The following CCNJL variants were observed in gnomAD, a reference collection of about 807,000 sequenced individuals.
CCNJL encodes cyclin J like, also known as cyclin-J-like protein.
A neutral mutation model predicts 33.4 loss-of-function variants in CCNJL; 33 were observed. The ratio of observed to expected loss-of-function variants is 0.99; its 90% CI spans 0.75 to 1.32. The LOEUF is 1.32. Among genes scored for constraint, CCNJL ranks in the 40% most tolerant of loss-of-function variants. CCNJL has a pLI of 0.00. For missense variants in CCNJL, 512 were observed against 499.7 expected, an observed-to-expected ratio of 1.02 and a Z score of -0.23; for synonymous variants, 227 against 220.9, an observed-to-expected ratio of 1.03 and a Z score of -0.24.
chr5:160,283,163 T>C (rs982359289), intron 2 of CCNJL, among the ~76,000 whole-genome samples: 2 of 151,494 alleles, frequency 1.3e-5, no homozygotes, highest in African/African-American at 4.8e-5. Context: ...AAATGTAATG[T>C]ATCCATACAA....
Position 160,249,234 on chromosome 5 carries a change from TG to T in CCNJL, c.*4143del, listed in dbSNP as rs1760744013. On this transcript the variant is annotated 3_prime_UTR_variant, in exon 6 of 6. Coordinates refer to ENST00000257536, the MANE Select transcript of CCNJL (RefSeq NM_001308173.3). ...GCATGCTAGTTTATCTATGGTCAGT[TG>T]TGGAATAGGTCTGTTTCTATATGCA... 1 of 152,210 alleles carries T rather than the reference TG, an allele frequency of 6.6e-6. No individual in the cohort carries two copies. The highest frequency in any genetic ancestry group is 6.5e-5 in the Admixed American group (1 of 15,276). The allele number at this position is 152,210 out of a possible 1,614,324, so 9.4% of individuals were successfully genotyped here.
chr5:160,267,350 T>G (rs17472426), intron 3 of CCNJL, among the ~76,000 whole-genome samples: 8,276 of 152,200 alleles, frequency 0.054, 303 homozygotes, highest in Middle Eastern at 0.18. Context: ...AAGGTTGAGT[T>G]ACCCCGATCT....
intron 1 of CCNJL, among the ~76,000 whole-genome samples, chr5:160,331,309 T>C (rs187348562): frequency 0.034 from 5,111 of 150,822 alleles, 279 homozygotes; most frequent in African/African-American, 0.12. Context: ...CTGCAAGCTC[T>C]GCCTCCCGGG....
At chr5:160,307,682 G>A (rs1259080693) in intron 2 of CCNJL, among the ~76,000 whole-genome samples, 5 of 152,066 alleles carry the variant, frequency 3.3e-5, no homozygotes, top group African/African-American at 7.2e-5. Flanking sequence ...AGGGGCACAC[G>A]TAGCAGGCAA....
At position 160,255,714 on chromosome 5, in the gene CCNJL, A is replaced by G; in HGVS notation, c.584-6T>C. 6.2e-7 allele frequency: 1 copy of G among 1,613,352 alleles called. No individual in the cohort carries two copies. Among genetic ancestry groups the G allele is most frequent in the Non-Finnish European group, 8.5e-7 (1 of 1,179,940 alleles). On this transcript the variant is annotated splice_region_variant and splice_polypyrimidine_tract_variant and intron_variant, in intron 4 of 5. Coordinates refer to ENST00000257536, the MANE Select transcript of CCNJL (RefSeq NM_001308173.3). ...GAATTTGTAGAATATGTGATCTGAA[A>G]GAAAGCCACGGAGGGAGTCAGCATC...
chr5:160,287,521 T>C (rs2303059), intron 2 of CCNJL, among the ~76,000 whole-genome samples: 31,753 of 152,172 alleles, frequency 0.21, 5,965 homozygotes, highest in African/African-American at 0.5. Flanking sequence ...TTTGAGAATC[T>C]AGCTGATCAC....
intron 1 of CCNJL, among the ~76,000 whole-genome samples, chr5:160,338,197 A>C (rs13182537): frequency 6.6e-6 from 1 of 151,920 alleles, no homozygotes; most frequent in Admixed American, 6.6e-5. Flanking sequence ...AGAAGTTGGA[A>C]GCCACCCTGG....
chr5:160,268,072 T>A (rs557581044), intron 3 of CCNJL, among the ~76,000 whole-genome samples: 1 of 152,294 alleles, frequency 6.6e-6, no homozygotes, highest in South Asian at 2.1e-4. Flanking sequence ...AAACAGAAAC[T>A]CTCTTTGACT....
intron 1 of CCNJL, among the ~76,000 whole-genome samples, chr5:160,321,636 C>T (rs150021149): frequency 1.3e-3 from 194 of 152,216 alleles, no homozygotes; most frequent in African/African-American, 3.7e-3. Flanking sequence ...TATTAAAGCA[C>T]GATTAAAATA....
chr5:160,315,416 A>G (rs1763370477), upstream of CCNJL: 1 of 448,996 alleles, frequency 2.2e-6, no homozygotes, highest in Admixed American at 2.4e-5. Context: ...CTGAAATAGA[A>G]GAATCACTTG....
chr5:160,337,250 A>G (rs1561816872), intron 1 of CCNJL, among the ~76,000 whole-genome samples: 2 of 151,488 alleles, frequency 1.3e-5, no homozygotes, highest in Admixed American at 6.6e-5. Context: ...TCCTGGGCTG[A>G]AAAGATCCTT....
intron 3 of CCNJL, among the ~76,000 whole-genome samples, chr5:160,275,113 C>G (rs1341106337): frequency 6.9e-6 from 1 of 143,912 alleles, no homozygotes; most frequent in Non-Finnish European, 1.5e-5. Context: ...GAGACAGAGT[C>G]TTGCCCTGCG....
rs1486473712 is a variant in CCNJL at position 160,282,989 on chromosome 5, A to G, written c.67-2251T>C. ...GGAATATATATATATATATATATAT[A>G]TATATATATATATATATATACATAT... On this transcript the variant is annotated intron_variant, in intron 2 of 5. Coordinates refer to ENST00000257536, the MANE Select transcript of CCNJL (RefSeq NM_001308173.3). Among the ~76,000 whole-genome samples the G allele has an allele frequency of 3.9e-4, 23 of 58,716 alleles. 4 individuals are homozygous for G. Among genetic ancestry groups the G allele is most frequent in the African/African-American group, 1.2e-3 (15 of 12,938 alleles). 38.5% of individuals were successfully genotyped at this position (58,716 alleles called of 152,430 possible).
intron 2 of CCNJL, among the ~76,000 whole-genome samples, chr5:160,299,336 G>C (rs1762852227): frequency 6.6e-6 from 1 of 151,966 alleles, no homozygotes; most frequent in African/African-American, 2.4e-5. Context: ...ATTTTTAGTA[G>C]AGACAGAGTT....
At chr5:160,327,271 C>A (rs1313739274) in intron 1 of CCNJL, among the ~76,000 whole-genome samples, 2 of 152,156 alleles carry the variant, frequency 1.3e-5, no homozygotes, top group Non-Finnish European at 2.9e-5. Flanking sequence ...GAAAGGAGTC[C>A]ATTCAACTAA....
rs1763300977 is a variant in CCNJL at position 160,312,442 on chromosome 5, CGGCGG to C, written c.-133_-129del. ...GCCAGCCGTGCCCTCTGGTGCCTGC[CGGCGG>C]TTGGACCCTCGTCCGAGGCGCTCCG... On this transcript the variant is annotated 5_prime_UTR_variant, in exon 1 of 6. Transcript: ENST00000257536. The C allele has an allele frequency of 6.6e-6, 1 of 152,392 alleles. No homozygotes were observed. Among genetic ancestry groups the C allele is most frequent in the East Asian group, 1.9e-4 (1 of 5,140 alleles). 9.4% of individuals were successfully genotyped at this position (152,392 alleles called of 1,614,324 possible). A position where few individuals can be genotyped will look rare whatever the true frequency, so the allele number is the denominator to read the frequency against.
chr5:160,298,305 A>T (rs1762813801), intron 2 of CCNJL, among the ~76,000 whole-genome samples: 1 of 151,990 alleles, frequency 6.6e-6, no homozygotes, highest in African/African-American at 2.4e-5. Flanking sequence ...GGTTGCAGTG[A>T]GCGAGGTTGC....
At chr5:160,335,649 C>A (rs908188643) in intron 1 of CCNJL, among the ~76,000 whole-genome samples, 1 of 152,034 alleles carries the variant, frequency 6.6e-6, no homozygotes, top group Non-Finnish European at 1.5e-5. Context: ...TAGCTCGCTG[C>A]AGCCTTTGAA....
chr5:160,258,470 A>G (rs767365622), intron 4 of CCNJL: 131 of 1,195,792 alleles, frequency 1.1e-4, no homozygotes, highest in Admixed American at 1.9e-4. Flanking sequence ...TCCATGAAGC[A>G]TCAGATCTTG....
Sources: allele counts gnomAD v4.1 joint callset (sites outside exome capture counted in the v4.1 genomes callset), GRCh38; gene constraint gnomAD v4.1.1; transcripts MANE v1.5; gene names NCBI Gene and HGNC (gene_info 2026-07-23, HGNC 2026-07-21).